Variants in RPS6KL1 observed in about 807,000 individuals in gnomAD.
The protein encoded by RPS6KL1 is ribosomal protein S6 kinase like 1, also known as ribosomal protein S6 kinase-like 1.
A neutral mutation model predicts 57.0 loss-of-function variants in RPS6KL1; 41 were observed. That is an observed-to-expected ratio of 0.72 (90% CI 0.56 to 0.93). The LOEUF (loss-of-function observed/expected upper bound fraction) is 0.93, where lower values mean the gene tolerates loss of function less well. RPS6KL1 is among the 40% of genes least tolerant of loss of function. The pLI is 0.00. For synonymous variants in RPS6KL1, 287 were observed against 309.7 expected, an observed-to-expected ratio of 0.93 and a Z score of 0.77; for missense variants, 697 against 727.7, an observed-to-expected ratio of 0.96 and a Z score of 0.49.
rs1465115342 is a variant in RPS6KL1 at position 74,905,350 on chromosome 14, C to T, written c.*1664G>A. The T allele has an allele frequency of 6.7e-6, 1 of 150,136 alleles. No homozygotes were observed. The highest frequency in any genetic ancestry group is 1.5e-5 in the Non-Finnish European group (1 of 67,888). The allele number at this position is 150,136 out of a possible 1,614,324, so 9.3% of individuals were successfully genotyped here. ...CTTAACCTTTTTGAGCTTCAGTTTTCTCAGGAGCTACCGTCTGTTGCAAGG... is the reference window on the plus strand; with the variant it reads ...CTTAACCTTTTTGAGCTTCAGTTTTTTCAGGAGCTACCGTCTGTTGCAAGG... On this transcript the variant is annotated 3_prime_UTR_variant, in exon 12 of 12. Transcript: ENST00000557413.
chr14:74,913,393 C>T (rs1886341984), intron 5 of RPS6KL1, among the ~76,000 whole-genome samples: 1 of 152,130 alleles, frequency 6.6e-6, no homozygotes, highest in Admixed American at 6.6e-5. Context: ...CTCGTCTCTA[C>T]TAAAAATACA....
intron 5 of RPS6KL1, among the ~76,000 whole-genome samples, chr14:74,917,898 G>A (rs558145118): frequency 3.3e-5 from 5 of 152,194 alleles, no homozygotes; most frequent in African/African-American, 1.2e-4. Context: ...CTGCAGCCCT[G>A]GGGTTCAGGG....
rs1478350257 is a variant in RPS6KL1 at position 74,909,794 on chromosome 14, C to T, written c.1019G>A (p.Gly340Glu). 32 of 1,605,820 alleles carry T rather than the reference C, an allele frequency of 2.0e-5. No individual in the cohort carries two copies. Among genetic ancestry groups the T allele is most frequent in the Non-Finnish European group, 2.6e-5 (31 of 1,176,236 alleles). ...ARRAGQNSDA[G>E]PPRGLTWVPE... ...AACCCAAGTGAGCCCCCGAGGGGGC[C>T]CAGCGTCTGAGTTCTGGCCAGCCCT... The change falls in exon 8 of 12, where the codon GGG (glycine) becomes GAG (glutamate). Residue 340 changes from glycine to glutamate, a missense_variant. Transcript: ENST00000557413.
At position 74,906,600 on chromosome 14, in the gene RPS6KL1, G is replaced by A. The variant is rs1334436492; in HGVS notation, c.*414C>T. 1 of 531,698 alleles carries A rather than the reference G, an allele frequency of 1.9e-6. No individual in the cohort carries two copies. Among genetic ancestry groups the A allele is most frequent in the Admixed American group, 2.0e-5 (1 of 50,828 alleles). The allele number at this position is 531,698 out of a possible 1,614,324, so 32.9% of individuals were successfully genotyped here. A position where few individuals can be genotyped will look rare whatever the true frequency, so the allele number is the denominator to read the frequency against. ...CACTGAGCCAGTGGATCAGTGTCCT[G>A]AGATGAGTCTCCAGAGATGTCCTGA... On this transcript the variant is annotated 3_prime_UTR_variant, in exon 12 of 12. Transcript: ENST00000557413.
rs1352658598 is a variant in RPS6KL1, at chr14:74,922,199, C to T, written c.-242G>A. The T allele has an allele frequency of 9.1e-6, 9 of 987,206 alleles. No homozygotes were observed. The highest frequency in any genetic ancestry group is 1.1e-5 in the Non-Finnish European group (9 of 831,178). 61.2% of individuals were successfully genotyped at this position (987,206 alleles called of 1,614,324 possible). Reference sequence around the variant, plus strand: ...GTGATCCACAGCCACCTTCACAGGGCCTCCGTAGAGCAAGCTTGGTATCCA... The same window carrying T: ...GTGATCCACAGCCACCTTCACAGGGTCTCCGTAGAGCAAGCTTGGTATCCA... On this transcript the variant is annotated 5_prime_UTR_variant, in exon 2 of 12. Transcript: ENST00000557413.
At position 74,922,022 on chromosome 14, in the gene RPS6KL1, G is replaced by A. The variant is rs918467516; in HGVS notation, c.-65C>T. On this transcript the variant is annotated 5_prime_UTR_variant, in exon 2 of 12. In the 5' UTR this introduces an upstream ATG that the reference lacks. Coordinates refer to ENST00000557413, the MANE Select transcript of RPS6KL1 (RefSeq NM_031464.5). ...TTGAACTCCTGACCTCAAGTGATCC[G>A]TCTGCCTCGGCCTCCCACAGTGCTG... The A allele has an allele frequency of 7.1e-5, 19 of 269,248 alleles. No individual in the cohort carries two copies. Among genetic ancestry groups the A allele is most frequent in the East Asian group, 5.2e-4 (4 of 7,680 alleles). The allele number at this position is 269,248 out of a possible 1,614,324, so 16.7% of individuals were successfully genotyped here. A position where few individuals can be genotyped will look rare whatever the true frequency, so the allele number is the denominator to read the frequency against.
chr14:74,911,565 AG>A, intron 6 of RPS6KL1, 185 bp from the exon 7 acceptor site: 1 of 716,304 alleles, frequency 1.4e-6, no homozygotes, highest in Non-Finnish European at 2.3e-6. Context: ...CTAGCCAAAG[AG>A]GGGGCAGTGT....
Position 74,906,634 on chromosome 14 carries a change from C to T in RPS6KL1, c.*380G>A, listed in dbSNP as rs762529628. On this transcript the variant is annotated 3_prime_UTR_variant, in exon 12 of 12. Coordinates refer to ENST00000557413, the MANE Select transcript of RPS6KL1 (RefSeq NM_031464.5). ...CTCCAGAGATGTCCTGAGTGGGGCA[C>T]AACATGGCAGTGAGTGAGTCACAGA... is the stretch of plus-strand genomic sequence containing the variant. The T allele has an allele frequency of 3.7e-6, 2 of 534,312 alleles. No homozygotes were observed. The highest frequency in any genetic ancestry group is 7.6e-6 in the Non-Finnish European group (2 of 262,316). 33.1% of individuals were successfully genotyped at this position (534,312 alleles called of 1,614,324 possible).
At position 74,911,380 on chromosome 14, in the gene RPS6KL1, T is replaced by C; in HGVS notation, c.532A>G (p.Ser178Gly). 6.2e-7 allele frequency: 1 copy of C among 1,603,872 alleles called. No individual in the cohort carries two copies. The highest frequency in any genetic ancestry group is 1.1e-5 in the South Asian group (1 of 91,040). The change falls in exon 7 of 12, where the codon AGC (serine) becomes GGC (glycine). Residue 178 changes from serine to glycine, a missense_variant and splice_region_variant. Ser to Gly is a moderately conservative substitution (Grantham distance 56). Transcript: ENST00000557413. ...CTCACCATGTGGCACCTGGGTAGGCTCTGGGAGCAGCAGGGCAGGCAGATC... is the reference window on the plus strand; with the variant it reads ...CTCACCATGTGGCACCTGGGTAGGCCCTGGGAGCAGCAGGGCAGGCAGATC... ...PATGGTFVVK[S>G]LPRCHMVSRE...
intron 5 of RPS6KL1, 138 bp downstream of exon 5, chr14:74,918,375 G>A: frequency 1.7e-6 from 1 of 596,224 alleles, no homozygotes; most frequent in Non-Finnish European, 2.9e-6. Context: ...ACTCCCCACT[G>A]ACCCCTGCCC....
rs1204770596 is a variant in RPS6KL1 at position 74,906,469 on chromosome 14, G to A, written c.*545C>T. ...CCTCATCCCTCCCTGCACAACAGAT[G>A]GCATCCCTGCTTCTGGGCCTCCCCA... On this transcript the variant is annotated 3_prime_UTR_variant, in exon 12 of 12. Transcript: ENST00000557413. 63 of 447,124 alleles carry A rather than the reference G, an allele frequency of 1.4e-4. No individual in the cohort carries two copies. The Admixed American group carries it at 1.5e-3, about 11-fold the overall frequency. The allele number at this position is 447,124 out of a possible 1,614,324, so 27.7% of individuals were successfully genotyped here.
intron 10 of RPS6KL1, among the ~76,000 whole-genome samples, chr14:74,908,395 G>A (rs1259290737): frequency 6.6e-6 from 1 of 152,146 alleles, no homozygotes; most frequent in East Asian, 1.9e-4. Flanking sequence ...GATCTTTTGA[G>A]CTCTTGGCTG....
At chr14:74,918,750 G>C in intron 4 of RPS6KL1, 145 bp from the exon 5 acceptor site, 1 of 593,592 alleles carries the variant, frequency 1.7e-6, no homozygotes, top group Non-Finnish European at 2.9e-6. Flanking sequence ...CCACCCCACA[G>C]TGGCAGGCTG....
chr14:74,911,325 C>G lies in RPS6KL1; in HGVS notation c.587G>C (p.Gly196Ala). ...GAGCAGCTTCGTCATGTAGGGGACT[C>G]CGTGTGGGATGATGGTCAGCCGCTC... ...SRERLTIIPH[G>A]VPYMTKLLRY... Residue 196 changes from glycine to alanine, a missense_variant, in exon 7 of 12, where the codon GGA becomes GCA. Transcript: ENST00000557413. The G allele has an allele frequency of 6.2e-7, 1 of 1,612,024 alleles. No individual in the cohort carries two copies. The highest frequency in any genetic ancestry group is 8.5e-7 in the Non-Finnish European group (1 of 1,179,958).
intron 5 of RPS6KL1, among the ~76,000 whole-genome samples, chr14:74,912,191 C>CCCTGCACAGTGCAGGGATGTAGTAGGTG (rs1886117797): frequency 6.6e-6 from 1 of 152,162 alleles, no homozygotes; most frequent in Non-Finnish European, 1.5e-5. Flanking sequence ...ATTCCCGGAG[C>CCCTGCACAGTGCAGGGATGTAGTAGGTG]CCTGCACAGT....
chr14:74,907,523 G>C lies in RPS6KL1; in HGVS notation c.1451C>G (p.Ser484Cys), dbSNP rs751381625. The C allele has an allele frequency of 6.3e-7, 1 of 1,575,092 alleles. No homozygotes were observed. Among genetic ancestry groups the C allele is most frequent in the South Asian group, 1.2e-5 (1 of 85,744 alleles). ...CTGGATTCCTGAAGGGTGGCTCTGG[G>C]ACAGTGCCTGGGAGGACACAGGGAA... The part of the protein sequence containing the change: ...LYELLTGMAL[S>C]QSHPSGIQAH... The change falls in exon 11 of 12, where the codon TCC becomes TGC. Residue 484 changes from serine to cysteine, a missense_variant. By Grantham distance (112) the Ser-to-Cys change is moderately radical. Coordinates refer to ENST00000557413, the MANE Select transcript of RPS6KL1 (RefSeq NM_031464.5).
At chr14:74,919,473 T>G (rs900088578) in intron 4 of RPS6KL1, among the ~76,000 whole-genome samples, 2 of 152,122 alleles carry the variant, frequency 1.3e-5, no homozygotes, top group Non-Finnish European at 2.9e-5. Context: ...CTGCTCCAAA[T>G]TGCATGCCGG....
chr14:74,908,250 C>T (rs1885257289), intron 10 of RPS6KL1, among the ~76,000 whole-genome samples: 1 of 152,222 alleles, frequency 6.6e-6, no homozygotes, highest in Non-Finnish European at 1.5e-5. Flanking sequence ...CTCCCCCTTG[C>T]TGCCTACATA....
chr14:74,911,535 G>C, intron 6 of RPS6KL1, 155 bp from the exon 7 acceptor site: 2 of 853,120 alleles, frequency 2.3e-6, no homozygotes, highest in Non-Finnish European at 3.6e-6. Context: ...TGCCCCTGTA[G>C]AATCTGGGTC....
Sources: gnomAD v4.1 joint callset for allele counts (sites outside exome capture counted in the v4.1 genomes callset) on GRCh38, gnomAD v4.1.1 for gene constraint, MANE v1.5 for transcripts, NCBI Gene and HGNC (gene_info 2026-07-23, HGNC 2026-07-21) for gene names.